PCDHGA2: variants seen among roughly 807,000 people sequenced by gnomAD.
The protein encoded by PCDHGA2 is protocadherin gamma-A2.
Under a neutral mutation model 59.2 loss-of-function variants are expected in PCDHGA2, and 40 were observed. That is an observed-to-expected ratio of 0.68 (90% CI 0.52 to 0.88). PCDHGA2 has a LOEUF of 0.88. Ranked by LOEUF, PCDHGA2 falls within the 40% of genes least tolerant of loss-of-function variation. The probability of loss-of-function intolerance (pLI) is 0.00; values close to 1 mark genes in which losing one functional copy is unlikely to be tolerated. For synonymous variants in PCDHGA2, 560 were observed against 526.0 expected (o/e 1.06, Z -0.89); for missense variants, 1,226 against 1,204.0 (o/e 1.02, Z -0.27).
intron 1 of PCDHGA2, chr5:141,375,887 G>T (rs1290311886): frequency 2.5e-6 from 4 of 1,613,656 alleles, no homozygotes; most frequent in South Asian, 1.1e-5. Context: ...GGGCCAGAAC[G>T]CCTGGCTGTC....
chr5:141,360,034 G>A (rs1436602507), intron 1 of PCDHGA2: 2 of 1,398,676 alleles, frequency 1.4e-6, no homozygotes, highest in African/African-American at 1.5e-5. Flanking sequence ...GTATAGATTC[G>A]GAAACAGAAA....
At chr5:141,399,779 G>T in intron 1 of PCDHGA2, 2 of 1,613,282 alleles carry the variant, frequency 1.2e-6, no homozygotes, top group South Asian at 1.1e-5. Flanking sequence ...GTGGGCGACC[G>T]AAACGACAAC....
rs778589637 is a variant in PCDHGA2 at position 141,487,133 on chromosome 5, C to T, written c.2425-7674C>T. On this transcript the variant is annotated intron_variant, in intron 1 of 3. Coordinates refer to ENST00000394576, the MANE Select transcript of PCDHGA2 (RefSeq NM_018915.4). The surrounding 1 kb of genome is among the most constrained non-coding windows in gnomAD (Gnocchi z 5.0). ...TGTGGTAAAGGATAGTGGTAGTCCA[C>T]CACTCTCTACCTCTGTTACTCTCTT... 8.7e-6 allele frequency: 14 copies of T among 1,613,932 alleles called. No homozygotes were observed. In the South Asian group the frequency reaches 1.5e-4, roughly 18 times the overall value.
intron 1 of PCDHGA2, chr5:141,427,757 C>A: frequency 7.5e-7 from 1 of 1,340,702 alleles, no homozygotes; most frequent in Non-Finnish European, 1.1e-6. Flanking sequence ...CCATCGTTAC[C>A]ACTGACTTGG....
chr5:141,364,754 G>C, intron 1 of PCDHGA2: 1 of 1,613,988 alleles, frequency 6.2e-7, no homozygotes, highest in Non-Finnish European at 8.5e-7. Flanking sequence ...AAAAGTAAAA[G>C]TTAATGAAAA....
Position 141,340,532 on chromosome 5 carries a change from G to C in PCDHGA2, c.1561G>C (p.Asp521His). Residue 521 changes from aspartate (D) to histidine (H), a missense_variant, in exon 1 of 4, where the codon GAT (aspartate) becomes CAT (histidine). Physicochemically the swap from Asp to His is moderately conservative, Grantham distance 81 (BLOSUM62 -1). Coordinates refer to ENST00000394576, the MANE Select transcript of PCDHGA2 (RefSeq NM_018915.4). ...TGVLYALRSF[D>H]YEQLRDLQVW... ...AGTACTCTATGCACTGCGCTCCTTT[G>C]ATTATGAGCAGTTGCGAGACTTGCA... 6.2e-7 allele frequency: 1 copy of C among 1,614,240 alleles called. No individual in the cohort carries two copies. The highest frequency in any genetic ancestry group is 8.5e-7 in the Non-Finnish European group (1 of 1,180,044).
intron 1 of PCDHGA2, chr5:141,365,342 C>T (rs1206317970): frequency 2.5e-6 from 4 of 1,613,932 alleles, no homozygotes. Flanking sequence ...GGTCACAGTA[C>T]AGGACGTGAA....
rs773840884 is a variant in PCDHGA2 at position 141,372,185 on chromosome 5, C to A, written c.2424+30790C>A. 4 of 1,613,630 alleles carry A rather than the reference C, an allele frequency of 2.5e-6. No individual in the cohort carries two copies. The South Asian group carries it at 4.4e-5, about 18-fold the overall frequency. The stretch of plus-strand genomic sequence containing the variant: ...CCAAGGTGGTGGCGGTGGACGCAGA[C>A]TCGGGATACAACGCCTGGCTGTCCT... On this transcript the variant is annotated intron_variant, in intron 1 of 3. Transcript: ENST00000394576.
In PCDHGA2 at chr5:141,432,278, A is replaced by G. The variant is rs923930127; in HGVS notation, c.2425-62529A>G. On this transcript the variant is annotated intron_variant, in intron 1 of 3. Transcript: ENST00000394576. The surrounding 1 kb of genome is among the most constrained non-coding windows in gnomAD (Gnocchi z 6.0). ...GGCAAGCCTATCGTCCTACGTGTCC[A>G]TCAACTCCGACACTGGGGTACTGTA... 3.7e-5 allele frequency: 59 copies of G among 1,614,078 alleles called. No individual in the cohort carries two copies. Among genetic ancestry groups the G allele is most frequent in the Non-Finnish European group, 4.7e-5 (55 of 1,180,036 alleles).
At chr5:141,389,724 C>A in intron 1 of PCDHGA2, 3 of 1,612,722 alleles carry the variant, frequency 1.9e-6, no homozygotes, top group African/African-American at 1.3e-5. Context: ...CGAGCCCGGG[C>A]TCTTCAGCCT....
At position 141,403,569 on chromosome 5, in the gene PCDHGA2, C is replaced by A. The variant is rs1206497487; in HGVS notation, c.2424+62174C>A. On this transcript the variant is annotated intron_variant, in intron 1 of 3. Transcript: ENST00000394576. The stretch of plus-strand genomic sequence containing the variant: ...CGCGCCCTGGACAGGGAGGAGGCAA[C>A]TGCCCACCACCTGGTCCTCACGGCC... The A allele has an allele frequency of 5.6e-6, 9 of 1,613,828 alleles. No homozygotes were observed. The Admixed American group carries it at 6.7e-5, about 12-fold the overall frequency.
At position 141,477,131 on chromosome 5, in the gene PCDHGA2, TTGG is replaced by T; in HGVS notation, c.2425-17672_2425-17670del. 1 of 1,614,130 alleles carries T rather than the reference TTGG, an allele frequency of 6.2e-7. No individual in the cohort carries two copies. The highest frequency in any genetic ancestry group is 8.5e-7 in the Non-Finnish European group (1 of 1,180,014). On this transcript the variant is annotated intron_variant, in intron 1 of 3. Transcript: ENST00000394576. The surrounding 1 kb of genome is among the most constrained non-coding windows in gnomAD (Gnocchi z 4.9). The stretch of plus-strand genomic sequence containing the variant: ...TCCCGAAGGAGCACATTGCAAAGTG[TTGG>T]TGGAGGTTGTGGATGTGAATGACAA...
Position 141,485,818 on chromosome 5 carries a change from C to A in PCDHGA2, c.2425-8989C>A, listed in dbSNP as rs757848513. The A allele has an allele frequency of 1.2e-6, 2 of 1,613,910 alleles. No individual in the cohort carries two copies. The highest frequency in any genetic ancestry group is 1.7e-6 in the Non-Finnish European group (2 of 1,179,974). On this transcript the variant is annotated intron_variant, in intron 1 of 3. Transcript: ENST00000394576. The surrounding 1 kb of genome is among the most constrained non-coding windows in gnomAD (Gnocchi z 5.7). ...ACTACCGCCTGGTGCTGACTGCTGT[C>A]GATGGAGGGAACCCGCCGAGATCTG...
At chr5:141,435,058 A>G (rs1161891073) in intron 1 of PCDHGA2, among the ~76,000 whole-genome samples, 3 of 152,234 alleles carry the variant, frequency 2.0e-5, no homozygotes, top group East Asian at 3.9e-4. Flanking sequence ...ACCATGCAGC[A>G]GTTTTGTGTA....
chr5:141,374,436 C>T, intron 1 of PCDHGA2: 3 of 1,613,872 alleles, frequency 1.9e-6, no homozygotes, highest in Non-Finnish European at 2.5e-6. Context: ...AATCTTTATC[C>T]CGTGGAAGTG....
rs778071643 is a variant in PCDHGA2, at chr5:141,356,356, A to G, written c.2424+14961A>G. On this transcript the variant is annotated intron_variant, in intron 1 of 3. Coordinates refer to ENST00000394576, the MANE Select transcript of PCDHGA2 (RefSeq NM_018915.4). The stretch of plus-strand genomic sequence containing the variant: ...AGGAAATGGCCTAGTCACATGTTCT[A>G]TTCCAGATAATCTGCCATTCACACT... 16 of 1,556,750 alleles carry G rather than the reference A, an allele frequency of 1.0e-5. No individual in the cohort carries two copies. In the Admixed American group the frequency reaches 2.7e-4, roughly 27 times the overall value.
At chr5:141,366,528 C>T (rs777450935) in intron 1 of PCDHGA2, 3 of 1,614,208 alleles carry the variant, frequency 1.9e-6, no homozygotes, top group Non-Finnish European at 2.5e-6. Context: ...AGCAGGTTGG[C>T]GGGTGTGCCC....
At chr5:141,478,305 C>G in intron 1 of PCDHGA2, 1 of 1,614,092 alleles carries the variant, frequency 6.2e-7, no homozygotes, top group Non-Finnish European at 8.5e-7. Context: ...TACCGAGCCC[C>G]GGTGAGCTCA....
chr5:141,345,525 G>A, intron 1 of PCDHGA2: 1 of 1,614,116 alleles, frequency 6.2e-7, no homozygotes, highest in Non-Finnish European at 8.5e-7. Flanking sequence ...CACTCTCCAG[G>A]GGGCGCCCCT....
Sources: gnomAD v4.1 joint callset for allele counts (sites outside exome capture counted in the v4.1 genomes callset) on GRCh38, gnomAD v4.1.1 for gene constraint, Gnocchi (gnomAD v3.1) non-coding constraint, MANE v1.5 for transcripts, NCBI Gene and HGNC (gene_info 2026-07-23, HGNC 2026-07-21) for gene names.